The following ITGB8 variants were observed in gnomAD, a reference collection of about 807,000 sequenced individuals.
The protein encoded by ITGB8 is integrin beta-8.
In ITGB8, 30 loss-of-function variants were observed where a neutral mutation model predicts 89.5. The observed-to-expected ratio is 0.34, with a 90% CI of 0.25 to 0.45. The LOEUF is 0.45. Ranked by LOEUF, ITGB8 falls within the 20% of genes least tolerant of loss-of-function variation. The pLI is 1.00. For missense variants in ITGB8, 836 were observed against 933.3 expected, an observed-to-expected ratio of 0.90 and a Z score of 1.36; for synonymous variants, 335 against 320.4, an observed-to-expected ratio of 1.05 and a Z score of -0.49.
rs1172348033 is a variant in ITGB8 at position 20,410,798 on chromosome 7, AG to A, written c.*805del. On this transcript the variant is annotated 3_prime_UTR_variant, in exon 14 of 14. Transcript: ENST00000222573. ...CTAGTTTTAAAAGCTGAATGTTAAT[AG>A]GGGACACTGTAAAGTATCATCAAAA... is the stretch of plus-strand genomic sequence containing the variant. The A allele has an allele frequency of 6.6e-6, 1 of 152,664 alleles. No individual in the cohort carries two copies. Among genetic ancestry groups the A allele is most frequent in the Non-Finnish European group, 1.5e-5 (1 of 68,036 alleles). 9.5% of individuals were successfully genotyped at this position (152,664 alleles called of 1,614,324 possible).
chr7:20,368,981 C>T (rs1476123846), intron 3 of ITGB8, among the ~76,000 whole-genome samples: 1 of 152,154 alleles, frequency 6.6e-6, no homozygotes, highest in Non-Finnish European at 1.5e-5. Context: ...TCCAGGCCAT[C>T]GCCCCTTTCA....
chr7:20,367,478 A>C (rs1785748836), intron 3 of ITGB8, among the ~76,000 whole-genome samples: 1 of 152,188 alleles, frequency 6.6e-6, no homozygotes, highest in African/African-American at 2.4e-5. Context: ...CCCTAGGAGC[A>C]AGGGGACATG....
intron 2 of ITGB8, chr7:20,365,926 A>G (rs961351367): frequency 4.0e-5 from 6 of 151,070 alleles, no homozygotes; most frequent in African/African-American, 1.5e-4. Context: ...ATTAGGTTAG[A>G]TAAATGGTAA....
At chr7:20,365,814 C>T (rs552201384) in intron 2 of ITGB8, 3 of 152,094 alleles carry the variant, frequency 2.0e-5, no homozygotes, top group Non-Finnish European at 4.4e-5. Flanking sequence ...GATCCCTCAC[C>T]CTTTAGGTGC....
intron 8 of ITGB8, among the ~76,000 whole-genome samples, chr7:20,397,347 C>A (rs1271067931): frequency 6.6e-6 from 1 of 152,128 alleles, no homozygotes; most frequent in Non-Finnish European, 1.5e-5. Context: ...CTGCCTCAAG[C>A]TCCAGAGTAG....
intron 6 of ITGB8, among the ~76,000 whole-genome samples, chr7:20,387,751 A>G (rs1786687449): frequency 6.6e-6 from 1 of 152,230 alleles, no homozygotes; most frequent in African/African-American, 2.4e-5. Context: ...TGTCAATAGC[A>G]CTACTCTTGA....
At chr7:20,333,064 C>G (rs1408804812) in intron 1 of ITGB8, among the ~76,000 whole-genome samples, 7 of 151,658 alleles carry the variant, frequency 4.6e-5, no homozygotes, top group Admixed American at 1.3e-4. Context: ...AAAATTTACT[C>G]CTATACTTTA....
intron 1 of ITGB8, among the ~76,000 whole-genome samples, chr7:20,356,299 G>A (rs1785292143): frequency 6.6e-6 from 1 of 152,072 alleles, no homozygotes; most frequent in Admixed American, 6.6e-5. Context: ...GTATTTATTT[G>A]TTTTAATTTT....
intron 3 of ITGB8, among the ~76,000 whole-genome samples, chr7:20,374,662 A>C (rs1238691204): frequency 6.6e-6 from 1 of 152,142 alleles, no homozygotes; most frequent in African/African-American, 2.4e-5. Flanking sequence ...CATGAAGAAG[A>C]AGAGGTTGGG....
At chr7:20,373,168 T>C (rs1219736048) in intron 3 of ITGB8, among the ~76,000 whole-genome samples, 1 of 152,242 alleles carries the variant, frequency 6.6e-6, no homozygotes, top group Non-Finnish European at 1.5e-5. Context: ...CATCATGTAC[T>C]GACTAGGGTT....
intron 12 of ITGB8, among the ~76,000 whole-genome samples, 190 bp from the exon 13 acceptor site, chr7:20,409,425 T>C (rs1787677111): frequency 6.6e-6 from 1 of 152,238 alleles, no homozygotes. Context: ...AATATTTTCA[T>C]AGTAAACGCG....
chr7:20,342,281 T>C (rs954702550), intron 1 of ITGB8, among the ~76,000 whole-genome samples: 14 of 152,198 alleles, frequency 9.2e-5, no homozygotes, highest in Non-Finnish European at 1.5e-4. Context: ...GGGCTCTGTA[T>C]TGACAATCTA....
At chr7:20,345,203 C>A (rs1784882608) in intron 1 of ITGB8, among the ~76,000 whole-genome samples, 2 of 152,016 alleles carry the variant, frequency 1.3e-5, no homozygotes, top group African/African-American at 4.8e-5. Flanking sequence ...ATATAACTTT[C>A]TAGGAGGATA....
chr7:20,383,664 C>G (rs947212047), intron 6 of ITGB8, among the ~76,000 whole-genome samples: 1 of 152,034 alleles, frequency 6.6e-6, no homozygotes, highest in African/African-American at 2.4e-5. Context: ...GGGAGGATTT[C>G]CTAGGCAAAG....
At chr7:20,353,401 A>G (rs1433578604) in intron 1 of ITGB8, 1 of 152,226 alleles carries the variant, frequency 6.6e-6, no homozygotes, top group Admixed American at 6.5e-5. Flanking sequence ...CCTAACTGGC[A>G]TTACAAGAAA....
intron 3 of ITGB8, among the ~76,000 whole-genome samples, chr7:20,378,583 C>A (rs1786250403): frequency 6.6e-6 from 1 of 152,168 alleles, no homozygotes; most frequent in Admixed American, 6.5e-5. Context: ...TAAATTTATG[C>A]CTTTATCCAA....
At chr7:20,363,389 T>C (rs527705225) in intron 1 of ITGB8, among the ~76,000 whole-genome samples, 12 of 152,252 alleles carry the variant, frequency 7.9e-5, no homozygotes, top group Non-Finnish European at 1.6e-4. Flanking sequence ...CAAAATCAGA[T>C]TTTTGTCACT....
rs370772138 is a variant in ITGB8 at position 20,406,158 on chromosome 7, C to T, written c.2010C>T (p.Val670=). 5.0e-6 allele frequency: 8 copies of T among 1,599,524 alleles called. No homozygotes were observed. The highest frequency in any genetic ancestry group is 2.2e-5 in the East Asian group (1 of 44,796). The part of the protein sequence containing the change: ...SCALMEQQHY[V]DQTSECFSSP... The stretch of plus-strand genomic sequence containing the variant: ...CTCTCATGGAACAACAGCATTATGT[C>T]GACCAAACTTCAGGTAGGCCAAAGC... The change falls in exon 12 of 14, where the codon GTC becomes GTT. Residue 670 remains valine, a synonymous_variant. Transcript: ENST00000222573.
chr7:20,371,275 C>T lies in ITGB8; in HGVS notation c.388+4089C>T, dbSNP rs144993366. ...TCAAAAGTATACATAAATATGATTA[C>T]ATTTTTAAAAATGAAATAAGAGTTA... On this transcript the variant is annotated intron_variant, in intron 3 of 13. Coordinates refer to ENST00000222573, the MANE Select transcript of ITGB8 (RefSeq NM_002214.3). Among the ~76,000 whole-genome samples the T allele has an allele frequency of 1.2e-4, 19 of 152,162 alleles. No homozygotes were observed. In the East Asian group the frequency reaches 2.7e-3, roughly 22 times the overall value.
Sources: gnomAD v4.1 joint callset for allele counts (sites outside exome capture counted in the v4.1 genomes callset) on GRCh38, gnomAD v4.1.1 for gene constraint, MANE v1.5 for transcripts, NCBI Gene and HGNC (gene_info 2026-07-23, HGNC 2026-07-21) for gene names.